PAGE5: variants seen among roughly 807,000 people sequenced by gnomAD.
The protein encoded by PAGE5 is P antigen family member 5.
A neutral mutation model predicts 8.1 loss-of-function variants in PAGE5; 8 were observed. The observed-to-expected ratio is 0.98, with a 90% CI of 0.58 to 1.77. The LOEUF (loss-of-function observed/expected upper bound fraction) is 1.77, where lower values mean the gene tolerates loss of function less well. Ranked by LOEUF, PAGE5 falls within the 40% of genes most tolerant of loss-of-function variation. The pLI, the probability that PAGE5 is intolerant of heterozygous loss-of-function variation, is 0.00. For synonymous variants in PAGE5, 30 were observed against 27.0 expected (o/e 1.11, Z -0.35); for missense variants, 64 against 77.6 (o/e 0.82, Z 0.66).
chrX:55,222,488 T>G (rs2146551851), intron 3 of PAGE5, 133 bp from the exon 4 acceptor site: 1 of 780,216 alleles, frequency 1.3e-6, no homozygotes, highest in Non-Finnish European at 1.9e-6. Context: ...TCTGCTTTCC[T>G]GCTTTTCTGG....
At position 55,222,432 on chromosome X, in the gene PAGE5, T is replaced by C. The variant is rs188658239; in HGVS notation, c.191-189T>C. 4.5e-3 allele frequency among the ~76,000 whole-genome samples: 506 copies of C among 112,384 alleles called. 4 individuals carry two copies. The highest frequency in any genetic ancestry group is 0.015 in the African/African-American group (464 of 30,968). ...ATGAGTACAAAAGGAACAAGTAAGT[T>C]GTCTAGGGCCAGCCTTGGGAAAGGA... On this transcript the variant is annotated intron_variant, in intron 3 of 4. Coordinates refer to ENST00000374955, the MANE Select transcript of PAGE5 (RefSeq NM_001013435.3).
chrX:55,221,455 C>T lies in PAGE5; in HGVS notation c.73C>T (p.Pro25Ser). The T allele has an allele frequency of 1.7e-6, 2 of 1,205,417 alleles. No homozygotes were observed. Reference protein sequence around the residue: ...NDQESSQPVGPVIVQQPTEEK... With the variant: ...NDQESSQPVGSVIVQQPTEEK... ...CCAAGAGTCTTCCCAGCCAGTTGGACCTGTGATTGTGAGTCCTTTAGCATT... is the reference window on the plus strand; with the variant it reads ...CCAAGAGTCTTCCCAGCCAGTTGGATCTGTGATTGTGAGTCCTTTAGCATT... The change falls in exon 2 of 5, where the codon CCT (proline) becomes TCT (serine). Residue 25 changes from proline to serine, a missense_variant. Physicochemically the swap from Pro to Ser is moderately conservative, Grantham distance 74. Coordinates refer to ENST00000374955, the MANE Select transcript of PAGE5 (RefSeq NM_001013435.3).
intron 1 of PAGE5, among the ~76,000 whole-genome samples, chrX:55,221,011 AGGT>A (rs1161284054): frequency 9.1e-6 from 1 of 110,372 alleles, no homozygotes; most frequent in Non-Finnish European, 1.9e-5. Context: ...AGTGGGGAGG[AGGT>A]GGTGGTGGCC....
At chrX:55,221,655 C>T in intron 2 of PAGE5, 112 bp from the exon 3 acceptor site, 1 of 912,348 alleles carries the variant, frequency 1.1e-6, no homozygotes, top group Non-Finnish European at 1.5e-6. Flanking sequence ...TTTACTCTCT[C>T]TCTATATATA....
In PAGE5 at chrX:55,222,763, G is replaced by C; in HGVS notation, c.316+17G>C. ...TGGAAGCAGGTATGTTATTCAATAA[G>C]ATGCAAATTATAGGGTTTCTATTTT... On this transcript the variant is annotated intron_variant, in intron 4 of 4. Coordinates refer to ENST00000374955, the MANE Select transcript of PAGE5 (RefSeq NM_001013435.3). 8.3e-7 allele frequency: 1 copy of C among 1,201,707 alleles called. No homozygotes were observed. Among genetic ancestry groups the C allele is most frequent in the Non-Finnish European group, 1.1e-6 (1 of 889,696 alleles).
In PAGE5 at chrX:55,221,669, C is replaced by T; in HGVS notation, c.82-98C>T. The T allele has an allele frequency of 3.2e-6, 3 of 934,014 alleles. No homozygotes were observed. The South Asian group carries it at 6.8e-5, about 21-fold the overall frequency. 77.0% of individuals were successfully genotyped at this position (934,014 alleles called of 1,213,427 possible). ...TTTTACTCTCTCTCTATATATATAT[C>T]TATTGGAAAATGTCTTTAGATTTAT... On this transcript the variant is annotated intron_variant, in intron 2 of 4. Coordinates refer to ENST00000374955, the MANE Select transcript of PAGE5 (RefSeq NM_001013435.3).
intron 4 of PAGE5, 82 bp downstream of exon 4, chrX:55,222,828 T>G (rs769059015): frequency 9.4e-7 from 1 of 1,062,988 alleles, no homozygotes; most frequent in East Asian, 3.1e-5. Context: ...GTAAAATTAC[T>G]GCTACTTTAA....
At chrX:55,223,434 G>A (rs936145104) in intron 4 of PAGE5, among the ~76,000 whole-genome samples, 1 of 111,501 alleles carries the variant, frequency 9.0e-6, no homozygotes, top group Non-Finnish European at 1.9e-5. Context: ...TGAGAGGCAG[G>A]AGTACCAATG....
chrX:55,221,207 C>T (rs1030061852), intron 1 of PAGE5, among the ~76,000 whole-genome samples, 168 bp from the exon 2 acceptor site: 7 of 111,878 alleles, frequency 6.3e-5, no homozygotes, highest in Admixed American at 1.9e-4. Flanking sequence ...ACAAACAAAT[C>T]TGTCCTTAGT....
chrX:55,221,527 G>T (rs934472087), intron 2 of PAGE5, 64 bp downstream of exon 2: 2 of 1,092,411 alleles, frequency 1.8e-6, no homozygotes, highest in Non-Finnish European at 2.5e-6. Context: ...ATTTTTGAGC[G>T]AGTGTACATG....
At chrX:55,220,609 C>A (rs1441494087) in intron 1 of PAGE5, 157 bp downstream of exon 1, 1 of 1,200,396 alleles carries the variant, frequency 8.3e-7, no homozygotes, top group African/African-American at 1.7e-5. Flanking sequence ...GATGCAGGCG[C>A]CATGGGCCGG....
In PAGE5 at chrX:55,223,997, A is replaced by G; in HGVS notation, c.327A>G (p.Gln109=). The G allele has an allele frequency of 8.7e-7, 1 of 1,148,240 alleles. No homozygotes were observed. The highest frequency in any genetic ancestry group is 1.2e-6 in the Non-Finnish European group (1 of 855,294). The allele number at this position is 1,148,240 out of a possible 1,213,427, so 94.6% of individuals were successfully genotyped here. A position where few individuals can be genotyped will look rare whatever the true frequency, so the allele number is the denominator to read the frequency against. ...ATATTTATATTATAGGTGAAGGGCAACTATAGGTTTAAACCAAGACAAATG... is the reference window on the plus strand; with the variant it reads ...ATATTTATATTATAGGTGAAGGGCAGCTATAGGTTTAAACCAAGACAAATG... The part of the protein sequence containing the change: ...PTKVLEAGEG[Q]L Residue 109 remains glutamine (Q), a synonymous_variant, in exon 5 of 5, where the codon CAA becomes CAG. Transcript: ENST00000374955.
chrX:55,223,119 G>T (rs780515995), intron 4 of PAGE5, among the ~76,000 whole-genome samples: 1 of 112,081 alleles, frequency 8.9e-6, no homozygotes, highest in African/African-American at 3.2e-5. Context: ...TATTAATTAG[G>T]TTGAGCCGTT....
rs767808133 is a variant in PAGE5 at position 55,220,761 on chromosome X, G to A, written c.-9+309G>A. ...GCCTGGAACTCTCTGAGGGAGGACA[G>A]TTTCTGGACTCTTCGTTAGGGATGC... On this transcript the variant is annotated intron_variant, in intron 1 of 4. Coordinates refer to ENST00000374955, the MANE Select transcript of PAGE5 (RefSeq NM_001013435.3). 3 of 783,904 alleles carry A rather than the reference G, an allele frequency of 3.8e-6. No individual in the cohort carries two copies. The Admixed American group carries it at 1.1e-4, about 28-fold the overall frequency. The allele number at this position is 783,904 out of a possible 1,213,427, so 64.6% of individuals were successfully genotyped here. A position where few individuals can be genotyped will look rare whatever the true frequency, so the allele number is the denominator to read the frequency against.
Position 55,222,612 on chromosome X carries a change from A to G in PAGE5, c.191-9A>G. On this transcript the variant is annotated splice_polypyrimidine_tract_variant and intron_variant, in intron 3 of 4. Coordinates refer to ENST00000374955, the MANE Select transcript of PAGE5 (RefSeq NM_001013435.3). ...TTAATTCGTAAATTGACGACTTTTT[A>G]TCTTTAAGGGACTGATGTGGAAGCT... 8.3e-7 allele frequency: 1 copy of G among 1,202,471 alleles called. No homozygotes were observed.
At chrX:55,222,962 A>G (rs111836816) in intron 4 of PAGE5, among the ~76,000 whole-genome samples, 1 of 111,712 alleles carries the variant, frequency 9.0e-6, no homozygotes, top group African/African-American at 3.2e-5. Context: ...CACTTTGGGA[A>G]GCCGAGGCAG....
intron 2 of PAGE5, 101 bp downstream of exon 2, chrX:55,221,564 A>G: frequency 3.0e-6 from 3 of 1,000,714 alleles, no homozygotes; most frequent in Non-Finnish European, 4.1e-6. Flanking sequence ...CCATGCTAAT[A>G]AAAAATGATG....
chrX:55,223,909 C>A, intron 4 of PAGE5, 78 bp from the exon 5 acceptor site: 1 of 832,987 alleles, frequency 1.2e-6, no homozygotes, highest in Non-Finnish European at 1.7e-6. Context: ...TTAATCAACA[C>A]TGTAGTTGTA....
At chrX:55,221,242 T>C (rs1423591190) in intron 1 of PAGE5, 133 bp from the exon 2 acceptor site, 17 of 588,313 alleles carry the variant, frequency 2.9e-5, no homozygotes, top group East Asian at 3.7e-5. Flanking sequence ...TGCGTACTTA[T>C]CAATGCTCTG....
Sources: gnomAD v4.1 joint callset for allele counts (sites outside exome capture counted in the v4.1 genomes callset) on GRCh38, gnomAD v4.1.1 for gene constraint, MANE v1.5 for transcripts, NCBI Gene and HGNC (gene_info 2026-07-23, HGNC 2026-07-21) for gene names.